The following CENPV variants were observed in gnomAD, a reference collection of about 807,000 sequenced individuals.
CENPV encodes nuclear protein p30.
A neutral mutation model predicts 26.4 loss-of-function variants in CENPV; 15 were observed. The observed-to-expected ratio is 0.57, with a 90% confidence interval of 0.38 to 0.88. The LOEUF (loss-of-function observed/expected upper bound fraction) is 0.88. CENPV is among the 40% of genes least tolerant of loss of function. CENPV has a pLI of 0.00. For synonymous variants in CENPV, 172 were observed against 165.5 expected (o/e 1.04, Z -0.30); for missense variants, 336 against 376.5 (o/e 0.89, Z 0.89).
intron 2 of CENPV, chr17:16,349,661 T>C: frequency 8.3e-7 from 1 of 1,207,122 alleles, no homozygotes; most frequent in South Asian, 2.5e-5. Context: ...TCCTCAGCAG[T>C]GTCAGTCTGA....
Position 16,344,722 on chromosome 17 carries a change from A to G in CENPV, c.580-11T>C. The G allele has an allele frequency of 6.9e-7, 1 of 1,455,758 alleles. No individual in the cohort carries two copies. 90.2% of individuals were successfully genotyped at this position (1,455,758 alleles called of 1,614,324 possible). A position where few individuals can be genotyped will look rare whatever the true frequency, so the allele number is the denominator to read the frequency against. Reference sequence around the variant, plus strand: ...TATGTGCTCAGCTCCCTAGGTGAAAACAGACAAACGGTATTCTTTTTTACA... The same window carrying G: ...TATGTGCTCAGCTCCCTAGGTGAAAGCAGACAAACGGTATTCTTTTTTACA... On this transcript the variant is annotated splice_polypyrimidine_tract_variant and intron_variant, in intron 3 of 4. Coordinates refer to ENST00000299736, the MANE Select transcript of CENPV (RefSeq NM_181716.3).
intron 3 of CENPV, chr17:16,348,003 C>T (rs2093214576): frequency 1.3e-5 from 2 of 152,140 alleles, no homozygotes; most frequent in African/African-American, 2.4e-5. Flanking sequence ...AAATAATACA[C>T]AAAGACAGAC....
At chr17:16,344,795 G>C (rs2093198573) in intron 3 of CENPV, 84 bp from the exon 4 acceptor site, 4 of 769,924 alleles carry the variant, frequency 5.2e-6, no homozygotes, top group Non-Finnish European at 7.5e-6. Flanking sequence ...TATTGAGACA[G>C]AGTCTCCCAC....
In CENPV at chr17:16,344,587, C is replaced by G; in HGVS notation, c.694+10G>C. The G allele has an allele frequency of 6.5e-7, 1 of 1,533,408 alleles. No homozygotes were observed. The highest frequency in any genetic ancestry group is 1.2e-5 in the South Asian group (1 of 80,964). The allele number at this position is 1,533,408 out of a possible 1,614,324, so 95.0% of individuals were successfully genotyped here. ...TCCCCCTGAGCTTGCAGTCCATCCCCTTTACTCACCGAAGCCTCCGGGGTT... is the reference window on the plus strand; with the variant it reads ...TCCCCCTGAGCTTGCAGTCCATCCCGTTTACTCACCGAAGCCTCCGGGGTT... On this transcript the variant is annotated intron_variant, in intron 4 of 4. Coordinates refer to ENST00000299736, the MANE Select transcript of CENPV (RefSeq NM_181716.3).
In CENPV at chr17:16,353,365, G is replaced by A. The variant is rs1409067131; in HGVS notation, c.72C>T (p.Pro24=). 4.0e-6 allele frequency: 5 copies of A among 1,245,404 alleles called. No homozygotes were observed. The highest frequency in any genetic ancestry group is 2.7e-5 in the South Asian group (1 of 37,246). 77.1% of individuals were successfully genotyped at this position (1,245,404 alleles called of 1,614,324 possible). ...GQKRSGASAA[P]AASAAAALAP... ...CCAAGGCAGCGGCCGCGGAGGCCGC[G>A]GGGGCCGCGGAGGCCCCGGACCGCT... is the stretch of plus-strand genomic sequence containing the variant. The change falls in exon 1 of 5, where the codon CCC becomes CCT. Residue 24 remains proline (P), a synonymous_variant. Coordinates refer to ENST00000299736, the MANE Select transcript of CENPV (RefSeq NM_181716.3).
At chr17:16,346,607 C>T (rs1600903106) in intron 3 of CENPV, among the ~76,000 whole-genome samples, 3 of 151,864 alleles carry the variant, frequency 2.0e-5, no homozygotes, top group Non-Finnish European at 2.9e-5. Context: ...AAAAATTAGC[C>T]AGATGTGGTG....
Position 16,342,910 on chromosome 17 carries a change from A to C in CENPV, c.726T>G (p.Thr242=), listed in dbSNP as rs777997033. ...ATTCCTCAGTGACCATACTCCGCAC[A>C]GTGCCCTCATCCAGGCAGTGGGGGG... ...GIAPHCLDEG[T]VRSMVTEEFN... The change falls in exon 5 of 5, where the codon ACT becomes ACG. Residue 242 remains threonine (T), a synonymous_variant. Transcript: ENST00000299736. 17 of 1,614,228 alleles carry C rather than the reference A, an allele frequency of 1.1e-5. No homozygotes were observed. The highest frequency in any genetic ancestry group is 1.4e-5 in the Non-Finnish European group (17 of 1,180,038).
rs2093219122 is a variant in CENPV, at chr17:16,348,982, T to G, written c.510-297A>C. The G allele has an allele frequency of 5.0e-5, 54 of 1,083,910 alleles. No individual in the cohort carries two copies. In the South Asian group the frequency reaches 1.9e-3, roughly 37 times the overall value. The allele number at this position is 1,083,910 out of a possible 1,614,324, so 67.1% of individuals were successfully genotyped here. ...TTTACAGTGAAGAGAAGCGCTGGAC[T>G]TCAGAGACACTTAGGAAACAAATTT... On this transcript the variant is annotated intron_variant, in intron 2 of 4. Coordinates refer to ENST00000299736, the MANE Select transcript of CENPV (RefSeq NM_181716.3).
At chr17:16,349,237 T>G (rs2093219831) in intron 2 of CENPV, 4 of 987,762 alleles carry the variant, frequency 4.0e-6, no homozygotes, top group Admixed American at 5.9e-5. Flanking sequence ...CCACAGTGCT[T>G]CTTTTCCAAT....
Position 16,353,279 on chromosome 17 carries a change from A to G in CENPV, c.158T>C (p.Val53Ala). ...CGGCTTCTCCGACGGCGGCTTCTCC[A>G]CCGCCTGGCTCTTGCTCCCGGCCTG... is the stretch of plus-strand genomic sequence containing the variant. ...ASQAGSKSQAVEKPPSEKPRL... is the reference protein window; with the variant it reads ...ASQAGSKSQAAEKPPSEKPRL... The change falls in exon 1 of 5, where the codon GTG (valine) becomes GCG (alanine). Residue 53 changes from valine to alanine, a missense_variant. Around this residue, in one of 2 missense-constraint regions of CENPV, gnomAD observed 181 missense variants for 148.8 expected, o/e 1.22. Transcript: ENST00000299736. The G allele has an allele frequency of 3.5e-6, 5 of 1,420,180 alleles. No individual in the cohort carries two copies. The highest frequency in any genetic ancestry group is 3.7e-6 in the Non-Finnish European group (4 of 1,087,214). 88.0% of individuals were successfully genotyped at this position (1,420,180 alleles called of 1,614,324 possible).
chr17:16,345,186 T>G lies in CENPV; in HGVS notation c.580-475A>C, dbSNP rs1016511789. On this transcript the variant is annotated intron_variant, in intron 3 of 4. Transcript: ENST00000299736. Reference sequence around the variant, plus strand: ...CTGAGGCAGGAGAATGGCATGAACCTGGAAGGCCGAGCTTGCAGTGAGCCG... The same window carrying G: ...CTGAGGCAGGAGAATGGCATGAACCGGGAAGGCCGAGCTTGCAGTGAGCCG... 1.4e-5 allele frequency among the ~76,000 whole-genome samples: 2 copies of G among 143,862 alleles called. 1 individual carries two copies. Among genetic ancestry groups the G allele is most frequent in the Admixed American group, 1.5e-4 (2 of 13,516 alleles). The allele number at this position is 143,862 out of a possible 152,430, so 94.4% of individuals were successfully genotyped here. A position where few individuals can be genotyped will look rare whatever the true frequency, so the allele number is the denominator to read the frequency against.
chr17:16,347,472 T>C (rs541480662), intron 3 of CENPV: 50 of 152,036 alleles, frequency 3.3e-4, no homozygotes, highest in African/African-American at 1.2e-3. Flanking sequence ...GTGCTAAAAG[T>C]CTTTTTTAAA....
intron 2 of CENPV, chr17:16,349,157 T>A: frequency 1.0e-6 from 1 of 989,682 alleles, no homozygotes; most frequent in Non-Finnish European, 1.2e-6. Context: ...GGAATTAAAC[T>A]GAAGTCCCCT....
At chr17:16,351,120 C>A (rs563293702) in intron 1 of CENPV, 1 of 151,844 alleles carries the variant, frequency 6.6e-6, no homozygotes, top group Non-Finnish European at 1.5e-5. Context: ...TTAGTAGAGA[C>A]GGGGTTTCTC....
chr17:16,352,911 G>A, intron 1 of CENPV, 116 bp downstream of exon 1: 2 of 1,334,884 alleles, frequency 1.5e-6, no homozygotes, highest in Non-Finnish European at 1.9e-6. Context: ...GCTCCGTAAC[G>A]TGGAAGGCTC....
Position 16,353,028 on chromosome 17 carries a change from A to G in CENPV, c.409T>C (p.Phe137Leu). ...EGAAKLLLDTFEYQGLVKHTG... is the reference protein window; with the variant it reads ...EGAAKLLLDTLEYQGLVKHTG... ...CGCCCCCCGGCCCGCCGCACTCACA[A>G]GGTGTCTAGCAGGAGCTTGGCGGCA... The change falls in exon 1 of 5, where the codon TTT (phenylalanine) becomes CTT (leucine). Residue 137 changes from phenylalanine (F) to leucine (L), a missense_variant and splice_region_variant. Physicochemically the swap from Phe to Leu is conservative, Grantham distance 22. Coordinates refer to ENST00000299736, the MANE Select transcript of CENPV (RefSeq NM_181716.3). The G allele has an allele frequency of 6.4e-7, 1 of 1,569,794 alleles. No homozygotes were observed. Among genetic ancestry groups the G allele is most frequent in the Admixed American group, 1.8e-5 (1 of 55,604 alleles).
chr17:16,349,666 G>A (rs2093221473), intron 2 of CENPV: 1 of 1,240,208 alleles, frequency 8.1e-7, no homozygotes, highest in East Asian at 4.0e-5. Flanking sequence ...AGCAGTGTCA[G>A]TCTGAGGGTG....
intron 4 of CENPV, among the ~76,000 whole-genome samples, chr17:16,343,325 T>C (rs1000371755): frequency 8.5e-5 from 13 of 152,200 alleles, no homozygotes; most frequent in Admixed American, 7.9e-4. Flanking sequence ...TGTGTTTAGA[T>C]AGATAACTTT....
intron 2 of CENPV, chr17:16,349,572 C>T (rs1369927892): frequency 2.0e-6 from 2 of 1,019,784 alleles, no homozygotes; most frequent in Non-Finnish European, 2.3e-6. Flanking sequence ...CTCCCCAACT[C>T]TAGACTTCTA....
Sources: allele counts gnomAD v4.1 joint callset (sites outside exome capture counted in the v4.1 genomes callset), GRCh38; gene constraint gnomAD v4.1.1; regional missense constraint gnomAD v4.1.1; transcripts MANE v1.5; gene names NCBI Gene and HGNC (gene_info 2026-07-23, HGNC 2026-07-21).